PKHD1: variants seen among roughly 807,000 people sequenced by gnomAD.
PKHD1 encodes the protein fibrocystin.
Under a neutral mutation model 412.0 loss-of-function variants are expected in PKHD1, and 291 were observed. The observed-to-expected ratio is 0.71, with a 90% confidence interval of 0.64 to 0.78. The LOEUF (loss-of-function observed/expected upper bound fraction) is 0.78, where lower values mean the gene tolerates loss of function less well. Among genes scored for constraint, PKHD1 ranks in the 30% least tolerant of loss-of-function variants. The probability of loss-of-function intolerance (pLI) is 0.00; values close to 1 mark genes in which losing one functional copy is unlikely to be tolerated. For synonymous variants in PKHD1, 1,777 were observed against 1,821.5 expected (o/e 0.98, Z 0.62); for missense variants, 4,825 against 4,950.7 (o/e 0.97, Z 0.76).
At chr6:51,976,405 A>T (rs777576049) in intron 35 of PKHD1, among the ~76,000 whole-genome samples, 17 of 152,362 alleles carry the variant, frequency 1.1e-4, no homozygotes, top group Admixed American at 1.1e-3. Context: ...AAGAACAGAT[A>T]TTGTATAATT....
chr6:51,820,339 G>C (rs1299429475), intron 52 of PKHD1, among the ~76,000 whole-genome samples: 1 of 152,204 alleles, frequency 6.6e-6, no homozygotes, highest in African/African-American at 2.4e-5. Flanking sequence ...GGCCAGCACA[G>C]ATTCCAGGGG....
intron 43 of PKHD1, among the ~76,000 whole-genome samples, chr6:51,895,657 G>A (rs539293910): frequency 1.1e-3 from 162 of 152,226 alleles, no homozygotes; most frequent in Non-Finnish European, 1.8e-3. Flanking sequence ...TAAGGTCACC[G>A]GAGGAGCCAA....
chr6:51,850,392 A>G (rs1476763605), intron 49 of PKHD1, among the ~76,000 whole-genome samples: 2 of 152,178 alleles, frequency 1.3e-5, no homozygotes, highest in Admixed American at 6.5e-5. Flanking sequence ...CTTCGATTCC[A>G]TGTGAAATTT....
chr6:51,624,801 C>T (rs1013430575), intron 66 of PKHD1, among the ~76,000 whole-genome samples: 7 of 152,156 alleles, frequency 4.6e-5, no homozygotes, highest in Admixed American at 1.3e-4. Flanking sequence ...CTGAAACACA[C>T]GGAGAAATTA....
chr6:52,073,715 G>T lies in PKHD1; in HGVS notation c.449-174C>A, dbSNP rs534002837. ...AGTAAGGTCAAGGGTATGATTTAGT[G>T]ATCAATATTACACAATATAAAAGCT... On this transcript the variant is annotated intron_variant, in intron 6 of 66. Coordinates refer to ENST00000371117, the MANE Select transcript of PKHD1 (RefSeq NM_138694.4). 1.2e-4 allele frequency among the ~76,000 whole-genome samples: 18 copies of T among 152,272 alleles called. No individual in the cohort carries two copies. In the East Asian group the frequency reaches 2.7e-3, roughly 23 times the overall value.
intron 60 of PKHD1, among the ~76,000 whole-genome samples, chr6:51,707,675 TC>T (rs1173184417): frequency 6.6e-6 from 1 of 152,040 alleles, no homozygotes; most frequent in Non-Finnish European, 1.5e-5. Flanking sequence ...CCCAACCCAT[TC>T]CCGTCTGACT....
intron 60 of PKHD1, among the ~76,000 whole-genome samples, chr6:51,742,093 G>A (rs1245310968): frequency 6.6e-6 from 1 of 152,030 alleles, no homozygotes; most frequent in Non-Finnish European, 1.5e-5. Flanking sequence ...GTAAATAGGA[G>A]GGTAACCCCT....
chr6:52,081,775 G>C (rs1386180312), intron 4 of PKHD1, among the ~76,000 whole-genome samples: 4 of 152,128 alleles, frequency 2.6e-5, no homozygotes, highest in Admixed American at 6.5e-5. Context: ...TCCTCAAAGA[G>C]AGAACAGAAA....
chr6:51,982,854 T>TAAAAAAAAA (rs1253939420), intron 35 of PKHD1, among the ~76,000 whole-genome samples: 1 of 101,102 alleles, frequency 9.9e-6, no homozygotes, highest in South Asian at 3.1e-4. Context: ...AATAAAAAAA[T>TAAAAAAAAA]AAAAATAAAA....
intron 37 of PKHD1, among the ~76,000 whole-genome samples, chr6:51,913,195 T>C (rs1279922761): frequency 6.6e-6 from 1 of 152,078 alleles, no homozygotes; most frequent in South Asian, 2.1e-4. Context: ...ATATGAAGAC[T>C]TCACAAATAA....
intron 21 of PKHD1, among the ~76,000 whole-genome samples, chr6:52,052,444 T>C (rs1456902968): frequency 6.6e-6 from 1 of 152,134 alleles, no homozygotes; most frequent in Non-Finnish European, 1.5e-5. Context: ...CTCTAAATAA[T>C]GAGTAGGAAG....
intron 60 of PKHD1, among the ~76,000 whole-genome samples, chr6:51,720,510 A>C (rs1056570006): frequency 6.6e-6 from 1 of 152,066 alleles, no homozygotes; most frequent in Non-Finnish European, 1.5e-5. Context: ...TGGAAGTGGA[A>C]AGCGTTTCCC....
intron 60 of PKHD1, among the ~76,000 whole-genome samples, chr6:51,693,289 T>G (rs1778394082): frequency 6.6e-6 from 1 of 152,238 alleles, no homozygotes; most frequent in Non-Finnish European, 1.5e-5. Context: ...CCATTGGCCC[T>G]CCATGCCTCC....
chr6:51,874,502 A>G (rs1251150528), intron 46 of PKHD1, among the ~76,000 whole-genome samples: 1 of 152,230 alleles, frequency 6.6e-6, no homozygotes, highest in Non-Finnish European at 1.5e-5. Flanking sequence ...TTAAAGGAAA[A>G]AAATTCCTTC....
intron 61 of PKHD1, among the ~76,000 whole-genome samples, chr6:51,657,121 A>T (rs111700174): frequency 0.015 from 50 of 3,280 alleles, no homozygotes; most frequent in African/African-American, 0.018. Flanking sequence ...TAATAATAAT[A>T]AAAAAAAAAA....
intron 23 of PKHD1, among the ~76,000 whole-genome samples, chr6:52,047,500 G>A (rs9463749): frequency 0.028 from 4,255 of 152,194 alleles, 208 homozygotes; most frequent in African/African-American, 0.097. Flanking sequence ...AATAAGTAAC[G>A]TATCATTATC....
chr6:52,071,919 C>T lies in PKHD1; in HGVS notation c.602+196G>A, dbSNP rs17638644. 0.053 allele frequency among the ~76,000 whole-genome samples: 8,071 copies of T among 152,206 alleles called. 294 individuals carry two copies. Among genetic ancestry groups the T allele is most frequent in the East Asian group, 0.11 (577 of 5,176 alleles). On this transcript the variant is annotated intron_variant, in intron 8 of 66. Coordinates refer to ENST00000371117, the MANE Select transcript of PKHD1 (RefSeq NM_138694.4). Reference sequence around the variant, plus strand: ...TCAAGGAAGGTTTTGGCATCCACTTCAATACGCACTTTGAATCAATCCCTG... The same window carrying T: ...TCAAGGAAGGTTTTGGCATCCACTTTAATACGCACTTTGAATCAATCCCTG...
intron 54 of PKHD1, among the ~76,000 whole-genome samples, chr6:51,773,305 A>C (rs1481339521): frequency 3.9e-5 from 6 of 151,946 alleles, no homozygotes; most frequent in Admixed American, 6.6e-5. Flanking sequence ...TTGTTTCAAA[A>C]TGCAGTTTAT....
chr6:51,632,126 T>C (rs1768001856), intron 65 of PKHD1, among the ~76,000 whole-genome samples: 1 of 151,888 alleles, frequency 6.6e-6, no homozygotes. Flanking sequence ...GTATTTTTAG[T>C]AGAGACAGGG....
Sources: gnomAD v4.1 joint callset for allele counts (sites outside exome capture counted in the v4.1 genomes callset) on GRCh38, gnomAD v4.1.1 for gene constraint, MANE v1.5 for transcripts, NCBI Gene and HGNC (gene_info 2026-07-23, HGNC 2026-07-21) for gene names.